DLG2: variants seen among roughly 807,000 people sequenced by gnomAD.
DLG2 encodes the protein discs large MAGUK scaffold protein 2, also known as disks large homolog 2.
A neutral mutation model predicts 132.5 loss-of-function variants in DLG2; 45 were observed. The observed-to-expected ratio is 0.34, with a 90% CI of 0.27 to 0.44. The LOEUF is 0.44. Ranked by LOEUF, DLG2 falls within the 20% of genes least tolerant of loss-of-function variation. The pLI, the probability that DLG2 is intolerant of heterozygous loss-of-function variation, is 1.00. For synonymous variants in DLG2, 424 were observed against 419.6 expected (o/e 1.01, Z -0.13); for missense variants, 1,045 against 1,196.9 (o/e 0.87, Z 1.87).
At chr11:85,544,193 T>C (rs1032804982) in intron 3 of DLG2, among the ~76,000 whole-genome samples, 2 of 152,206 alleles carry the variant, frequency 1.3e-5, no homozygotes, top group African/African-American at 4.8e-5. Flanking sequence ...GGATCCAGTT[T>C]CAGCTTTCTA....
chr11:85,183,906 A>G (rs991657434), intron 4 of DLG2, among the ~76,000 whole-genome samples: 2 of 152,010 alleles, frequency 1.3e-5, no homozygotes, highest in Non-Finnish European at 2.9e-5. Flanking sequence ...TTAAGCATCT[A>G]TTATGTGCTG....
At chr11:84,912,896 T>A (rs2092204849) in intron 6 of DLG2, among the ~76,000 whole-genome samples, 1 of 152,228 alleles carries the variant, frequency 6.6e-6, no homozygotes, top group Non-Finnish European at 1.5e-5. Flanking sequence ...AGTTCTTATC[T>A]GTATTTAACA....
At chr11:85,398,572 T>A (rs1002989505) in intron 3 of DLG2, among the ~76,000 whole-genome samples, 1 of 151,688 alleles carries the variant, frequency 6.6e-6, no homozygotes. Context: ...ATCAAATAGA[T>A]GCAATAAAAA....
chr11:85,051,536 GAC>G (rs2154154250), intron 6 of DLG2, among the ~76,000 whole-genome samples: 1 of 152,204 alleles, frequency 6.6e-6, no homozygotes, highest in East Asian at 1.9e-4. Flanking sequence ...AAACAAAACA[GAC>G]ACAGTTTCTG....
chr11:85,027,462 C>T (rs1211140175), intron 6 of DLG2, among the ~76,000 whole-genome samples: 1 of 152,154 alleles, frequency 6.6e-6, no homozygotes, highest in Non-Finnish European at 1.5e-5. Context: ...TTGCTCGCGC[C>T]CACAGGGCTC....
chr11:83,885,006 A>G (rs6592152), intron 15 of DLG2, among the ~76,000 whole-genome samples: 122,147 of 151,572 alleles, frequency 0.81, 49,638 homozygotes, highest in African/African-American at 0.91. Flanking sequence ...AAAAAACAGA[A>G]CAGAAAAACT....
intron 7 of DLG2, among the ~76,000 whole-genome samples, chr11:84,502,555 C>A (rs2099223563): frequency 6.6e-6 from 1 of 150,910 alleles, no homozygotes; most frequent in Non-Finnish European, 1.5e-5. Context: ...GCCACCATAC[C>A]TGGCTAATTT....
intron 18 of DLG2, among the ~76,000 whole-genome samples, chr11:83,699,004 G>A (rs1437293651): frequency 6.6e-6 from 1 of 152,110 alleles, no homozygotes; most frequent in African/African-American, 2.4e-5. Flanking sequence ...TCCAGCAGGG[G>A]CAGAAAAAAA....
chr11:84,250,276 A>T (rs1331871921), intron 8 of DLG2, among the ~76,000 whole-genome samples: 2 of 152,118 alleles, frequency 1.3e-5, no homozygotes, highest in African/African-American at 2.4e-5. Context: ...CACAGGCCCC[A>T]CTCTGACTGC....
At chr11:84,386,990 T>G (rs1285234073) in intron 7 of DLG2, among the ~76,000 whole-genome samples, 1 of 152,134 alleles carries the variant, frequency 6.6e-6, no homozygotes, top group Admixed American at 6.5e-5. Context: ...TTTTGTAAGC[T>G]TCCTTTAGAA....
At chr11:83,688,321 C>T (rs1351819912) in intron 18 of DLG2, among the ~76,000 whole-genome samples, 1 of 152,072 alleles carries the variant, frequency 6.6e-6, no homozygotes, top group Non-Finnish European at 1.5e-5. Context: ...CTTTCGGGTT[C>T]AGGATTTGTG....
intron 4 of DLG2, among the ~76,000 whole-genome samples, chr11:85,246,588 T>G (rs2152687278): frequency 7.0e-6 from 1 of 143,636 alleles, no homozygotes; most frequent in South Asian, 2.4e-4. Context: ...ATATAAATAA[T>G]CCAACTACTA....
intron 19 of DLG2, among the ~76,000 whole-genome samples, chr11:83,556,350 C>T (rs999413752): frequency 6.6e-6 from 1 of 150,772 alleles, no homozygotes; most frequent in African/African-American, 2.4e-5. Flanking sequence ...TTGATATATA[C>T]ATATTTTCAG....
chr11:85,212,784 A>G (rs2082331957), intron 4 of DLG2, among the ~76,000 whole-genome samples: 1 of 152,184 alleles, frequency 6.6e-6, no homozygotes, highest in Non-Finnish European at 1.5e-5. Flanking sequence ...CTGATGACTC[A>G]TATCTCAATG....
intron 6 of DLG2, among the ~76,000 whole-genome samples, chr11:84,893,411 A>G (rs957994063): frequency 6.6e-6 from 1 of 152,198 alleles, no homozygotes; most frequent in Non-Finnish European, 1.5e-5. Context: ...GCTTAAAAGC[A>G]TGTGCTAAAG....
chr11:85,253,226 G>T (rs1160047278), intron 4 of DLG2, among the ~76,000 whole-genome samples: 1 of 152,144 alleles, frequency 6.6e-6, no homozygotes, highest in Non-Finnish European at 1.5e-5. Flanking sequence ...AAATGGACAG[G>T]TTGACCCAAA....
chr11:84,537,297 G>C (rs1023039099), intron 6 of DLG2, among the ~76,000 whole-genome samples: 1 of 151,904 alleles, frequency 6.6e-6, no homozygotes, highest in Admixed American at 6.6e-5. Flanking sequence ...AGTAGAGCCG[G>C]GGTTTCACCA....
At chr11:84,287,200 C>A (rs2097918357) in intron 7 of DLG2, among the ~76,000 whole-genome samples, 1 of 152,102 alleles carries the variant, frequency 6.6e-6, no homozygotes, top group African/African-American at 2.4e-5. Context: ...GTAAGCTCTG[C>A]CCATATCCCA....
Position 85,472,395 on chromosome 11 carries a change from G to A in DLG2, c.40+126262C>T, listed in dbSNP as rs188774855. On this transcript the variant is annotated intron_variant, in intron 3 of 27. Coordinates refer to ENST00000376104, the MANE Select transcript of DLG2 (RefSeq NM_001142699.3). ...CAGCTCACTGCAATCTCCACCTCCC[G>A]GGTTCAAGTGATTCTCCTGCCTCAG... Among the ~76,000 whole-genome samples, 281 of 152,188 alleles carry A rather than the reference G, an allele frequency of 1.8e-3. 1 individual carries two copies. Among genetic ancestry groups the A allele is most frequent in the Middle Eastern group, 0.017 (5 of 294 alleles).
Sources: gnomAD v4.1 joint callset for allele counts (sites outside exome capture counted in the v4.1 genomes callset) on GRCh38, gnomAD v4.1.1 for gene constraint, MANE v1.5 for transcripts, NCBI Gene and HGNC (gene_info 2026-07-23, HGNC 2026-07-21) for gene names.